Variants in EXOSC5 observed in about 807,000 individuals in gnomAD.
EXOSC5 encodes exosome complex component RRP46.
A neutral mutation model predicts 23.7 loss-of-function variants in EXOSC5; 15 were observed. The ratio of observed to expected loss-of-function variants is 0.63; its 90% CI spans 0.42 to 0.97. The LOEUF is 0.97. EXOSC5 is among the 50% of genes least tolerant of loss of function. EXOSC5 has a pLI of 0.00. For missense variants in EXOSC5, 305 were observed against 316.3 expected, an observed-to-expected ratio of 0.96 and a Z score of 0.27; for synonymous variants, 143 against 140.9, an observed-to-expected ratio of 1.02 and a Z score of -0.11.
In EXOSC5 at chr19:41,389,748, C is replaced by T; in HGVS notation, c.525+17G>A. 3 of 1,609,874 alleles carry T rather than the reference C, an allele frequency of 1.9e-6. No homozygotes were observed. The highest frequency in any genetic ancestry group is 2.5e-6 in the Non-Finnish European group (3 of 1,178,204). On this transcript the variant is annotated intron_variant, in intron 4 of 5. Transcript: ENST00000221233. Reference sequence around the variant, plus strand: ...GTCTGGCCTCTGCCCTTCAGCCACCCTGGTCTTCACACCTACCTTTTCTTG... The same window carrying T: ...GTCTGGCCTCTGCCCTTCAGCCACCTTGGTCTTCACACCTACCTTTTCTTG...
Position 41,386,690 on chromosome 19 carries a change from C to T in EXOSC5, c.651G>A (p.Ser217=), listed in dbSNP as rs540292584. ...QQCLAAAQAA[S]QHVFRFYRES... is the part of the protein sequence containing the mutation. ...CCCGGTAGAAACGGAAGACGTGTTG[C>T]GAAGCGGCCTGGGCCGCAGCCAGGC... Residue 217 remains serine, a synonymous_variant, in exon 6 of 6, where the codon TCG becomes TCA. Coordinates refer to ENST00000221233, the MANE Select transcript of EXOSC5 (RefSeq NM_020158.4). The T allele has an allele frequency of 6.2e-5, 100 of 1,603,138 alleles. 1 individual carries two copies. The highest frequency in any genetic ancestry group is 4.0e-4 in the South Asian group (36 of 89,172).
At chr19:41,395,600 GAA>G (rs972684442) in intron 1 of EXOSC5, among the ~76,000 whole-genome samples, 6 of 152,194 alleles carry the variant, frequency 3.9e-5, no homozygotes, top group African/African-American at 1.4e-4. Context: ...CAGTAAGGCT[GAA>G]ACAGCTGGTC....
intron 2 of EXOSC5, chr19:41,392,173 C>T (rs767848801): frequency 6.3e-6 from 4 of 635,600 alleles, no homozygotes; most frequent in African/African-American, 1.9e-5. Context: ...CCAAGGGAAC[C>T]ATCCAAGGGA....
At chr19:41,387,696 G>A in intron 4 of EXOSC5, 93 bp from the exon 5 acceptor site, 2 of 828,732 alleles carry the variant, frequency 2.4e-6, no homozygotes, top group South Asian at 5.2e-5. Context: ...AGTGGCTCAT[G>A]ACCATAATCT....
rs1018542857 is a variant in EXOSC5, at chr19:41,390,080, C to T, written c.385-175G>A. Among the ~76,000 whole-genome samples the T allele has an allele frequency of 3.3e-5, 5 of 151,976 alleles. No individual in the cohort carries two copies. In the East Asian group the frequency reaches 5.8e-4, roughly 18 times the overall value. ...CCTGAGTAGCTGGGATTACAGGCACCCACCACCACACCCGGCTAATCTTTG... is the reference window on the plus strand; with the variant it reads ...CCTGAGTAGCTGGGATTACAGGCACTCACCACCACACCCGGCTAATCTTTG... On this transcript the variant is annotated intron_variant, in intron 3 of 5. Coordinates refer to ENST00000221233, the MANE Select transcript of EXOSC5 (RefSeq NM_020158.4).
chr19:41,388,519 TCTCCAACACGACAGAACAGGAGGTGG>T (rs1250652096), intron 4 of EXOSC5, among the ~76,000 whole-genome samples: 2 of 152,196 alleles, frequency 1.3e-5, no homozygotes, highest in African/African-American at 4.8e-5. Context: ...TGAGATGATG[TCTCCAACACGACAGAACAGGAGGTGG>T]CTCGCAGGTT....
intron 5 of EXOSC5, 43 bp downstream of exon 5, chr19:41,387,471 G>A (rs1181894894): frequency 6.7e-7 from 1 of 1,483,248 alleles, no homozygotes; most frequent in African/African-American, 1.4e-5. Flanking sequence ...TATGTCAGTG[G>A]GAAGGAAGGT....
chr19:41,392,791 C>A, intron 2 of EXOSC5, 76 bp downstream of exon 2: 1 of 1,343,858 alleles, frequency 7.4e-7, no homozygotes, highest in South Asian at 1.2e-5. Flanking sequence ...AGACTCGGGG[C>A]AGCTGGTAGG....
At chr19:41,396,951 C>A (rs543622991) in intron 1 of EXOSC5, among the ~76,000 whole-genome samples, 1 of 152,150 alleles carries the variant, frequency 6.6e-6, no homozygotes, top group Admixed American at 6.6e-5. Flanking sequence ...GACAGTCTGC[C>A]CCTCCTCTCA....
chr19:41,396,743 G>T (rs2039068976), intron 1 of EXOSC5, among the ~76,000 whole-genome samples: 2 of 149,204 alleles, frequency 1.3e-5, no homozygotes, highest in African/African-American at 4.9e-5. Flanking sequence ...TTCAATTTGA[G>T]GAGTATTTAC....
At chr19:41,393,174 GA>G (rs1330971373) in intron 1 of EXOSC5, among the ~76,000 whole-genome samples, 194 bp from the exon 2 acceptor site, 1 of 152,246 alleles carries the variant, frequency 6.6e-6, no homozygotes, top group Non-Finnish European at 1.5e-5. Flanking sequence ...AGCGTCTTGT[GA>G]GGATCAAAGG....
chr19:41,393,440 T>G (rs1034808374), intron 1 of EXOSC5, among the ~76,000 whole-genome samples: 1 of 152,080 alleles, frequency 6.6e-6, no homozygotes, highest in African/African-American at 2.4e-5. Context: ...AATTTTTATA[T>G]TTTTAGTAGA....
At chr19:41,386,813 C>T in intron 5 of EXOSC5, 88 bp from the exon 6 acceptor site, 5 of 1,207,712 alleles carry the variant, frequency 4.1e-6, no homozygotes, top group Non-Finnish European at 5.8e-6. Context: ...CTGACCCCAC[C>T]TGACTCCCTT....
chr19:41,391,792 G>A (rs2039023967), intron 3 of EXOSC5, 49 bp downstream of exon 3: 6 of 1,470,898 alleles, frequency 4.1e-6, no homozygotes, highest in Non-Finnish European at 5.4e-6. Flanking sequence ...CGCCAGGAGG[G>A]AAGCAATCAG....
chr19:41,396,848 T>TGGGGGGGGGGGGGGGGGGGGGG, intron 1 of EXOSC5, among the ~76,000 whole-genome samples: 1 of 33,248 alleles, frequency 3.0e-5, no homozygotes, highest in East Asian at 1.3e-3. Flanking sequence ...GTGTGGGGGG[T>TGGGGGGGGGGGGGGGGGGGGGG]GGGGGTGGGA....
chr19:41,386,470 G>C lies in EXOSC5; in HGVS notation c.*163C>G, dbSNP rs1015477609. ...GGGATCTGTGCCCCCAGGCCTGGGG[G>C]CTGTCACAGGCCAAGGCCTCCCCAC... On this transcript the variant is annotated 3_prime_UTR_variant, in exon 6 of 6. Transcript: ENST00000221233. The C allele has an allele frequency of 5.0e-6, 3 of 596,018 alleles. 1 individual carries two copies. The highest frequency in any genetic ancestry group is 4.2e-5 in the South Asian group (2 of 47,932). The allele number at this position is 596,018 out of a possible 1,614,324, so 36.9% of individuals were successfully genotyped here. A position where few individuals can be genotyped will look rare whatever the true frequency, so the allele number is the denominator to read the frequency against.
intron 1 of EXOSC5, among the ~76,000 whole-genome samples, chr19:41,394,381 T>TAA (rs534285668): frequency 1.5e-5 from 2 of 135,130 alleles, no homozygotes. Context: ...TTAGTCTCAA[T>TAA]AAAAAAAAAA....
At chr19:41,388,606 C>T (rs1395896718) in intron 4 of EXOSC5, among the ~76,000 whole-genome samples, 3 of 152,306 alleles carry the variant, frequency 2.0e-5, no homozygotes, top group South Asian at 4.1e-4. Context: ...CTCCTGCTTC[C>T]TTTTTCCTCC....
chr19:41,392,476 C>A (rs1344428250), intron 2 of EXOSC5, among the ~76,000 whole-genome samples: 1 of 151,728 alleles, frequency 6.6e-6, no homozygotes, highest in South Asian at 2.1e-4. Flanking sequence ...CCCAGCGACT[C>A]GGGAGGCTGA....
Sources: gnomAD v4.1 joint callset for allele counts (sites outside exome capture counted in the v4.1 genomes callset) on GRCh38, gnomAD v4.1.1 for gene constraint, MANE v1.5 for transcripts, NCBI Gene and HGNC (gene_info 2026-07-23, HGNC 2026-07-21) for gene names.